CMC1: variants seen among roughly 807,000 people sequenced by gnomAD.
CMC1 encodes COX assembly mitochondrial protein homolog.
A neutral mutation model predicts 14.1 loss-of-function variants in CMC1; 14 were observed. The ratio of observed to expected loss-of-function variants is 0.99; its 90% CI spans 0.66 to 1.55. CMC1 has a LOEUF of 1.55. Among genes scored for constraint, CMC1 ranks in the 40% most tolerant of loss-of-function variants. CMC1 has a pLI of 0.00. For missense variants in CMC1, 127 were observed against 123.8 expected (o/e 1.03, Z -0.12); for synonymous variants, 50 against 38.4 (o/e 1.30, Z -1.12).
chr3:28,296,168 C>T (rs1248755724), intron 2 of CMC1, among the ~76,000 whole-genome samples: 1 of 151,980 alleles, frequency 6.6e-6, no homozygotes, highest in Non-Finnish European at 1.5e-5. Flanking sequence ...TGCATATATT[C>T]AGTAAACTAG....
chr3:28,300,802 A>G (rs1175470970), intron 2 of CMC1, among the ~76,000 whole-genome samples: 1 of 150,200 alleles, frequency 6.7e-6, no homozygotes, highest in Non-Finnish European at 1.5e-5. Flanking sequence ...CCAAACCACA[A>G]TACAAATGTG....
At chr3:28,260,577 G>A (rs559734221) in intron 1 of CMC1, among the ~76,000 whole-genome samples, 21 of 150,402 alleles carry the variant, frequency 1.4e-4, no homozygotes, top group African/African-American at 4.4e-4. Flanking sequence ...TTTTATTTGT[G>A]TGGTATTCTT....
At chr3:28,247,898 A>G (rs916106697) in intron 1 of CMC1, among the ~76,000 whole-genome samples, 2 of 151,990 alleles carry the variant, frequency 1.3e-5, no homozygotes, top group African/African-American at 4.8e-5. Flanking sequence ...TGTTCTCTCT[A>G]GAATTTCTCC....
intron 1 of CMC1, among the ~76,000 whole-genome samples, chr3:28,243,909 A>G: frequency 6.6e-6 from 1 of 152,212 alleles, no homozygotes; most frequent in East Asian, 1.9e-4. Flanking sequence ...GATGGTGAAG[A>G]GATTAGTCAG....
At chr3:28,259,565 T>G (rs112029624) in intron 1 of CMC1, among the ~76,000 whole-genome samples, 1 of 152,184 alleles carries the variant, frequency 6.6e-6, no homozygotes, top group Non-Finnish European at 1.5e-5. Context: ...CACCACTTTT[T>G]ACATGCATTT....
intron 1 of CMC1, among the ~76,000 whole-genome samples, chr3:28,244,331 G>T (rs1046599828): frequency 6.6e-6 from 1 of 152,128 alleles, no homozygotes; most frequent in Non-Finnish European, 1.5e-5. Context: ...AAATATGTTT[G>T]TATCTTAGCC....
At chr3:28,279,882 A>G (rs1040245662) in intron 2 of CMC1, among the ~76,000 whole-genome samples, 7 of 152,224 alleles carry the variant, frequency 4.6e-5, no homozygotes, top group African/African-American at 1.7e-4. Context: ...AACATTCACA[A>G]AACACACATC....
chr3:28,311,196 G>C (rs1702623570), intron 2 of CMC1, among the ~76,000 whole-genome samples: 1 of 151,854 alleles, frequency 6.6e-6, no homozygotes, highest in South Asian at 2.1e-4. Context: ...TGGGTGGCTA[G>C]AATGTTTGCT....
intron 1 of CMC1, among the ~76,000 whole-genome samples, chr3:28,248,198 A>C (rs1698926261): frequency 6.6e-6 from 1 of 152,230 alleles, no homozygotes; most frequent in South Asian, 2.1e-4. Context: ...CATAATTTGA[A>C]GAATGGGAAT....
intron 2 of CMC1, among the ~76,000 whole-genome samples, chr3:28,306,680 T>A (rs1032621042): frequency 6.6e-6 from 1 of 151,630 alleles, no homozygotes; most frequent in Non-Finnish European, 1.5e-5. Context: ...GTCTTGCTCT[T>A]GTCACCCAGG....
intron 2 of CMC1, among the ~76,000 whole-genome samples, chr3:28,286,397 C>T (rs1452343606): frequency 5.3e-5 from 8 of 152,072 alleles, no homozygotes; most frequent in Non-Finnish European, 2.9e-5. Context: ...GGATTCTTCA[C>T]TTTTTTCCCT....
At chr3:28,246,271 A>G (rs568842852) in intron 1 of CMC1, among the ~76,000 whole-genome samples, 13 of 152,242 alleles carry the variant, frequency 8.5e-5, no homozygotes, top group African/African-American at 2.9e-4. Flanking sequence ...TTTTTGTCTC[A>G]TCGGATTAAC....
chr3:28,257,121 A>G (rs1196633034), intron 1 of CMC1, among the ~76,000 whole-genome samples: 1 of 152,232 alleles, frequency 6.6e-6, no homozygotes, highest in Admixed American at 6.5e-5. Flanking sequence ...ATCTCCCACT[A>G]TGAGTGCAGA....
intron 2 of CMC1, among the ~76,000 whole-genome samples, chr3:28,299,330 A>T (rs1462140521): frequency 1.3e-5 from 2 of 152,042 alleles, no homozygotes; most frequent in Non-Finnish European, 2.9e-5. Flanking sequence ...TGGAGAGATG[A>T]TTTAGTTTGA....
chr3:28,303,106 T>C (rs918002095), intron 2 of CMC1, among the ~76,000 whole-genome samples: 17 of 152,140 alleles, frequency 1.1e-4, no homozygotes, highest in African/African-American at 4.1e-4. Context: ...CTTGATCGTG[T>C]TTTTGTACAA....
intron 2 of CMC1, among the ~76,000 whole-genome samples, chr3:28,282,690 A>C (rs1700961481): frequency 1.3e-5 from 2 of 152,128 alleles, no homozygotes; most frequent in African/African-American, 4.8e-5. Flanking sequence ...CAACACCAGT[A>C]ATTTTACTCT....
At chr3:28,280,601 C>T (rs890050704) in intron 2 of CMC1, among the ~76,000 whole-genome samples, 4 of 152,104 alleles carry the variant, frequency 2.6e-5, no homozygotes, top group African/African-American at 9.7e-5. Context: ...TGGCTACTCT[C>T]TTACTTAGCA....
intron 2 of CMC1, among the ~76,000 whole-genome samples, chr3:28,301,640 T>TAAA (rs150985397): frequency 4.2e-4 from 64 of 150,982 alleles, no homozygotes; most frequent in African/African-American, 1.5e-3. Flanking sequence ...TTTTTTTTTT[T>TAAA]AAAAAAATAG....
chr3:28,316,278 G>A (rs1299205733), intron 2 of CMC1, 55 bp from the exon 3 acceptor site: 5 of 828,820 alleles, frequency 6.0e-6, no homozygotes, highest in Non-Finnish European at 9.1e-6. Context: ...TTGTGTGTGT[G>A]GGTATTTATA....
Sources: allele counts gnomAD v4.1 joint callset (sites outside exome capture counted in the v4.1 genomes callset), GRCh38; gene constraint gnomAD v4.1.1; transcripts MANE v1.5; gene names NCBI Gene and HGNC (gene_info 2026-07-23, HGNC 2026-07-21).